CENPI: variants seen among roughly 807,000 people sequenced by gnomAD.
CENPI encodes FSH primary response 1.
CENPI carries 4 observed loss-of-function variants against 60.4 expected under a neutral mutation model. The ratio of observed to expected loss-of-function variants is 0.07; its 90% CI spans 0.03 to 0.15. CENPI has a LOEUF of 0.15. CENPI is among the 10% of genes least tolerant of loss of function. The pLI, the probability that CENPI is intolerant of heterozygous loss-of-function variation, is 1.00. For missense variants in CENPI, 444 were observed against 534.5 expected (o/e 0.83, Z 1.67); for synonymous variants, 157 against 189.4 (o/e 0.83, Z 1.40).
In CENPI at chrX:101,147,767, C is replaced by T. The variant is rs1428236562; in HGVS notation, c.1831C>T (p.Arg611Cys). The T allele has an allele frequency of 7.5e-6, 9 of 1,197,483 alleles. No individual in the cohort carries two copies. Among genetic ancestry groups the T allele is most frequent in the East Asian group, 3.0e-5 (1 of 33,614 alleles). The stretch of plus-strand genomic sequence containing the variant: ...TCTGTTTGTTTTTTCTGTTAGATAT[C>T]GTAAAAATTTGACTGCCGCAAAGAA... ...NQLCFIMHRY[R>C]KNLTAAKKNE... The change falls in exon 19 of 22, where the codon CGT (arginine) becomes TGT (cysteine). Residue 611 changes from arginine to cysteine, a missense_variant. Coordinates refer to ENST00000682095, the MANE Select transcript of CENPI (RefSeq NM_001386188.2).
chrX:101,178,993 A>G, the CENPI span, among the ~76,000 whole-genome samples: 2 of 112,226 alleles, frequency 1.8e-5, no homozygotes, highest in East Asian at 2.8e-4. Context: ...GCATTTTACT[A>G]CTTTTTCTTA....
the CENPI span, among the ~76,000 whole-genome samples, chrX:101,174,372 G>A: frequency 2.7e-5 from 3 of 111,994 alleles, no homozygotes; most frequent in Non-Finnish European, 5.6e-5. Flanking sequence ...GCACTCGTGT[G>A]TTCATTGCAG....
At chrX:101,174,005 A>G in the CENPI span, among the ~76,000 whole-genome samples, 3 of 112,223 alleles carry the variant, frequency 2.7e-5, no homozygotes, top group African/African-American at 9.7e-5. Context: ...GCTCAACATC[A>G]CTAGTCATCA....
the CENPI span, among the ~76,000 whole-genome samples, chrX:101,181,120 C>G: frequency 2.0e-4 from 1 of 5,053 alleles, no homozygotes; most frequent in Middle Eastern, 0.14. Context: ...AAGTACGGAG[C>G]TATTTTTTTT....
At chrX:101,100,983 AAC>A in intron 2 of CENPI, 73 bp from the exon 3 acceptor site, 2 of 668,093 alleles carry the variant, frequency 3.0e-6, no homozygotes, top group Non-Finnish European at 4.7e-6. Flanking sequence ...AAATACTGGA[AAC>A]ACACCCTGTC....
intron 6 of CENPI, among the ~76,000 whole-genome samples, chrX:101,116,552 A>C (rs930222375): frequency 9.0e-6 from 1 of 111,571 alleles, no homozygotes; most frequent in Non-Finnish European, 1.9e-5. Flanking sequence ...AGGGATGACT[A>C]TATCTAATTT....
At position 101,109,878 on chromosome X, in the gene CENPI, G is replaced by T. The variant is rs1327031964; in HGVS notation, c.484-13G>T. On this transcript the variant is annotated splice_polypyrimidine_tract_variant and intron_variant, in intron 5 of 21. Coordinates refer to ENST00000682095, the MANE Select transcript of CENPI (RefSeq NM_001386188.2). ...ATATTTCTTTAAAGATAAGTATTTT[G>T]TCTCTTCAATAGGTACTTTTTTATC... 9 of 1,125,311 alleles carry T rather than the reference G, an allele frequency of 8.0e-6. No homozygotes were observed. Among genetic ancestry groups the T allele is most frequent in the Non-Finnish European group, 1.1e-5 (9 of 819,780 alleles). The allele number at this position is 1,125,311 out of a possible 1,213,427, so 92.7% of individuals were successfully genotyped here.
chrX:101,164,143 CT>C lies in CENPI; in HGVS notation c.*1184del, dbSNP rs923377263. On this transcript the variant is annotated 3_prime_UTR_variant, in exon 22 of 22. Coordinates refer to ENST00000682095, the MANE Select transcript of CENPI (RefSeq NM_001386188.2). ...TCTTTAAGGATGCATACTTGGGGTT[CT>C]TTTTTTTCCCCATTTAAAAAACAAA... 2.7e-5 allele frequency among the ~76,000 whole-genome samples: 3 copies of C among 110,467 alleles called. No individual in the cohort carries two copies. Among genetic ancestry groups the C allele is most frequent in the Non-Finnish European group, 3.8e-5 (2 of 52,773 alleles).
chrX:101,155,639 A>G (rs1038765320), intron 20 of CENPI, among the ~76,000 whole-genome samples: 2 of 112,425 alleles, frequency 1.8e-5, no homozygotes, highest in African/African-American at 6.5e-5. Flanking sequence ...TTGCATTCTT[A>G]GAATAAATCC....
In CENPI at chrX:101,162,937, A is replaced by G. The variant is rs2090123901; in HGVS notation, c.2241A>G (p.Ala747=). Residue 747 remains alanine (A), a synonymous_variant, in exon 22 of 22, where the codon GCA becomes GCG. Transcript: ENST00000682095. ...TTCATCATTCTTCCATTCCCAGAGC[A>G]GAGGGCATAAACTGCAACAATCAAT... ...SSVHHSSIPR[A]EGINCNNQY The G allele has an allele frequency of 8.3e-7, 1 of 1,207,981 alleles. No homozygotes were observed. Among genetic ancestry groups the G allele is most frequent in the Admixed American group, 2.2e-5 (1 of 45,477 alleles).
downstream of CENPI, among the ~76,000 whole-genome samples, chrX:101,168,882 A>T (rs1241796551): frequency 8.9e-6 from 1 of 111,917 alleles, no homozygotes; most frequent in African/African-American, 3.2e-5. Flanking sequence ...CAGTGCAGTA[A>T]AAATGAGACA....
the CENPI span, among the ~76,000 whole-genome samples, chrX:101,181,089 T>C: frequency 9.7e-6 from 1 of 102,793 alleles, no homozygotes; most frequent in African/African-American, 3.5e-5. Flanking sequence ...AGGATCTTTG[T>C]CAAAAATCAA....
chrX:101,105,112 G>T (rs1316005848), intron 4 of CENPI, among the ~76,000 whole-genome samples: 1 of 111,490 alleles, frequency 9.0e-6, no homozygotes, highest in Non-Finnish European at 1.9e-5. Flanking sequence ...AATAAAATTG[G>T]CTTTTTTCTT....
chrX:101,120,322 T>C (rs1467085749), intron 6 of CENPI, 80 bp from the exon 7 acceptor site: 1 of 473,545 alleles, frequency 2.1e-6, no homozygotes, highest in Non-Finnish European at 3.7e-6. Flanking sequence ...CAGCGTAAGA[T>C]TGACATTTGA....
intron 20 of CENPI, among the ~76,000 whole-genome samples, chrX:101,148,677 C>T (rs2089981895): frequency 1.8e-5 from 2 of 111,905 alleles, no homozygotes. Flanking sequence ...ACTTCATTCT[C>T]AGCCCTGTCA....
intron 20 of CENPI, among the ~76,000 whole-genome samples, chrX:101,158,878 G>A (rs113322915): frequency 1.8e-5 from 2 of 111,261 alleles, no homozygotes; most frequent in Non-Finnish European, 3.8e-5. Flanking sequence ...CGATCCACCC[G>A]CCTCGGCCTC....
chrX:101,153,309 T>A (rs1212448437), intron 20 of CENPI, among the ~76,000 whole-genome samples: 2 of 109,808 alleles, frequency 1.8e-5, no homozygotes, highest in Non-Finnish European at 3.8e-5. Context: ...CTTTTTTTTT[T>A]TTTGAGACGG....
At chrX:101,124,090 AGTGTGTGTGTGTGTGTGTGT>A (rs397842781) in intron 8 of CENPI, among the ~76,000 whole-genome samples, 14 of 88,270 alleles carry the variant, frequency 1.6e-4, no homozygotes, top group Admixed American at 8.0e-4. Flanking sequence ...TATAGAATCA[AGTGTGTGTGTGTGTGTGTGT>A]GTGTGTGTGT....
At chrX:101,101,815 G>A (rs771411719) in intron 3 of CENPI, among the ~76,000 whole-genome samples, 13 of 112,660 alleles carry the variant, frequency 1.2e-4, no homozygotes, top group African/African-American at 3.9e-4. Flanking sequence ...AGTTGCTATC[G>A]CTGTTAAATA....
Sources: gnomAD v4.1 joint callset for allele counts (sites outside exome capture counted in the v4.1 genomes callset) on GRCh38, gnomAD v4.1.1 for gene constraint, MANE v1.5 for transcripts, NCBI Gene and HGNC (gene_info 2026-07-23, HGNC 2026-07-21) for gene names.